ARL6IP6: variants seen among roughly 807,000 people sequenced by gnomAD.
ARL6IP6 encodes ADP-ribosylation factor-like protein 6-interacting protein 6.
In ARL6IP6, 22 loss-of-function variants were observed where a neutral mutation model predicts 21.5. That is an observed-to-expected ratio of 1.02 (90% confidence interval 0.73 to 1.46). The LOEUF (loss-of-function observed/expected upper bound fraction) is 1.46, where lower values mean the gene tolerates loss of function less well. Ranked by LOEUF, ARL6IP6 falls within the 40% of genes most tolerant of loss-of-function variation. The pLI, the probability that ARL6IP6 is intolerant of heterozygous loss-of-function variation, is 0.00. For synonymous variants in ARL6IP6, 164 were observed against 125.3 expected (o/e 1.31, Z -2.06); for missense variants, 388 against 299.8 (o/e 1.29, Z -2.17).
intron 3 of ARL6IP6, among the ~76,000 whole-genome samples, chr2:152,742,602 G>C (rs529637893): frequency 2.0e-5 from 3 of 151,264 alleles, no homozygotes; most frequent in African/African-American, 7.3e-5. Context: ...AAGAACTTTG[G>C]GGTTCATTCT....
In ARL6IP6 at chr2:152,760,140, T is replaced by A. The variant is rs1354398059; in HGVS notation, c.*300T>A. On this transcript the variant is annotated 3_prime_UTR_variant, in exon 4 of 4. Coordinates refer to ENST00000326446, the MANE Select transcript of ARL6IP6 (RefSeq NM_152522.7). The stretch of plus-strand genomic sequence containing the variant: ...AGTTCTTTCAAGTTGTAGGAAACAT[T>A]TTAATGGAATTTAAACTCAAAAACT... 4.8e-6 allele frequency: 1 copy of A among 207,348 alleles called. No individual in the cohort carries two copies. Among genetic ancestry groups the A allele is most frequent in the African/African-American group, 2.3e-5 (1 of 43,296 alleles). 12.8% of individuals were successfully genotyped at this position (207,348 alleles called of 1,614,324 possible).
Position 152,742,072 on chromosome 2 carries a change from C to T in ARL6IP6, c.587+6946C>T, listed in dbSNP as rs563940008. ...TTCTACACTACCTACTCAACATCTCCAGTTCATTTCTCATCACTTTTCCCT... is the reference window on the plus strand; with the variant it reads ...TTCTACACTACCTACTCAACATCTCTAGTTCATTTCTCATCACTTTTCCCT... On this transcript the variant is annotated intron_variant, in intron 3 of 3. Coordinates refer to ENST00000326446, the MANE Select transcript of ARL6IP6 (RefSeq NM_152522.7). Among the ~76,000 whole-genome samples the T allele has an allele frequency of 2.0e-5, 3 of 152,290 alleles. No homozygotes were observed. In the East Asian group the frequency reaches 5.8e-4, roughly 29 times the overall value.
chr2:152,731,950 T>C (rs1700335962), intron 2 of ARL6IP6, among the ~76,000 whole-genome samples: 1 of 152,098 alleles, frequency 6.6e-6, no homozygotes, highest in African/African-American at 2.4e-5. Flanking sequence ...TCTTTCCATA[T>C]CAGTACCTAA....
At chr2:152,755,056 C>G (rs1701514916) in intron 3 of ARL6IP6, among the ~76,000 whole-genome samples, 1 of 152,132 alleles carries the variant, frequency 6.6e-6, no homozygotes, top group Non-Finnish European at 1.5e-5. Flanking sequence ...TAATAATCCT[C>G]TCTCTACAAT....
At chr2:152,754,085 A>G (rs1462782866) in intron 3 of ARL6IP6, among the ~76,000 whole-genome samples, 2 of 150,088 alleles carry the variant, frequency 1.3e-5, no homozygotes, top group South Asian at 4.2e-4. Flanking sequence ...ATAAAACTTT[A>G]CTCTTAAAAT....
intron 3 of ARL6IP6, among the ~76,000 whole-genome samples, chr2:152,759,374 G>A (rs1347173397): frequency 6.6e-6 from 1 of 152,132 alleles, no homozygotes; most frequent in East Asian, 1.9e-4. Context: ...CAGACAGCAT[G>A]GAAACACACC....
intron 3 of ARL6IP6, among the ~76,000 whole-genome samples, chr2:152,757,868 A>G (rs1312414843): frequency 6.6e-6 from 1 of 152,186 alleles, no homozygotes; most frequent in East Asian, 1.9e-4. Context: ...GTCACTGAAC[A>G]TTTGAGCATG....
At chr2:152,730,726 A>T (rs1025667374) in intron 2 of ARL6IP6, among the ~76,000 whole-genome samples, 1 of 152,142 alleles carries the variant, frequency 6.6e-6, no homozygotes, top group East Asian at 1.9e-4. Context: ...TGTGGTCAGG[A>T]TGGTGTTTCA....
intron 3 of ARL6IP6, among the ~76,000 whole-genome samples, chr2:152,756,033 A>G (rs1195390375): frequency 6.6e-6 from 1 of 152,150 alleles, no homozygotes; most frequent in Non-Finnish European, 1.5e-5. Flanking sequence ...CCTCCATTTT[A>G]TGGGTTTTCA....
chr2:152,718,453 T>C, upstream of ARL6IP6: 1 of 905,944 alleles, frequency 1.1e-6, no homozygotes, highest in Non-Finnish European at 1.5e-6. Flanking sequence ...CCGCCTCTCC[T>C]TTGGCCCTGC....
At chr2:152,735,377 C>T (rs1463222681) in intron 3 of ARL6IP6, among the ~76,000 whole-genome samples, 1 of 152,048 alleles carries the variant, frequency 6.6e-6, no homozygotes, top group Non-Finnish European at 1.5e-5. Context: ...AAGTAAGAAC[C>T]TTTGATGGCT....
chr2:152,722,923 A>G (rs908140783), intron 2 of ARL6IP6, among the ~76,000 whole-genome samples: 1 of 152,114 alleles, frequency 6.6e-6, no homozygotes, highest in African/African-American at 2.4e-5. Context: ...AAAACAAAAG[A>G]TTGAGGTAAT....
chr2:152,719,100 C>G (rs1393304886), intron 1 of ARL6IP6, 76 bp downstream of exon 1: 3 of 1,411,460 alleles, frequency 2.1e-6, no homozygotes, highest in Non-Finnish European at 2.8e-6. Flanking sequence ...CCACCCATCT[C>G]CCTTTCCCTC....
chr2:152,733,703 A>C (rs529612484), intron 2 of ARL6IP6, among the ~76,000 whole-genome samples: 1 of 152,210 alleles, frequency 6.6e-6, no homozygotes, highest in Non-Finnish European at 1.5e-5. Context: ...TCCAAGAAAA[A>C]TATGCTTACA....
At chr2:152,727,149 TG>T (rs948904769) in intron 2 of ARL6IP6, among the ~76,000 whole-genome samples, 13 of 152,104 alleles carry the variant, frequency 8.5e-5, no homozygotes, top group African/African-American at 2.9e-4. Flanking sequence ...GACCTTTCAG[TG>T]GAAAAAGATG....
chr2:152,759,846 C>A lies in ARL6IP6; in HGVS notation c.*6C>A. 6.2e-7 allele frequency: 1 copy of A among 1,607,530 alleles called. No individual in the cohort carries two copies. Among genetic ancestry groups the A allele is most frequent in the Non-Finnish European group, 8.5e-7 (1 of 1,174,280 alleles). On this transcript the variant is annotated 3_prime_UTR_variant, in exon 4 of 4. Coordinates refer to ENST00000326446, the MANE Select transcript of ARL6IP6 (RefSeq NM_152522.7). ...TAGCATGGTGCCTCATGTAAACCCA[C>A]ACTGGAGCGATATTGTTGGCAAAAC...
rs940101701 is a variant in ARL6IP6 at position 152,750,185 on chromosome 2, A to G, written c.588-9562A>G. On this transcript the variant is annotated intron_variant, in intron 3 of 3. Transcript: ENST00000326446. ...CTTGCTACCTGGGATACTTACAGAAATGTAGAACTGAGACCGAGCGCAGTG... is the reference window on the plus strand; with the variant it reads ...CTTGCTACCTGGGATACTTACAGAAGTGTAGAACTGAGACCGAGCGCAGTG... Among the ~76,000 whole-genome samples, 4 of 152,174 alleles carry G rather than the reference A, an allele frequency of 2.6e-5. No homozygotes were observed. In the South Asian group the frequency reaches 6.2e-4, roughly 24 times the overall value.
At chr2:152,733,253 C>A (rs770356044) in intron 2 of ARL6IP6, among the ~76,000 whole-genome samples, 11 of 151,374 alleles carry the variant, frequency 7.3e-5, no homozygotes, top group African/African-American at 2.4e-4. Flanking sequence ...TGTTCTGCTT[C>A]GTTCTGTTGT....
chr2:152,718,285 G>A (rs1434501364), upstream of ARL6IP6: 3 of 277,136 alleles, frequency 1.1e-5, no homozygotes, highest in Non-Finnish European at 1.9e-5. Context: ...GCGCGCTCCC[G>A]TTGGTGACGC....
Sources: allele counts gnomAD v4.1 joint callset (sites outside exome capture counted in the v4.1 genomes callset), GRCh38; gene constraint gnomAD v4.1.1; transcripts MANE v1.5; gene names NCBI Gene and HGNC (gene_info 2026-07-23, HGNC 2026-07-21).